The following CSGALNACT1 variants were observed in gnomAD, a reference collection of about 807,000 sequenced individuals.
The protein encoded by CSGALNACT1 is chondroitin sulfate N-acetylgalactosaminyltransferase 1, also known as beta4GalNAcT-1.
CSGALNACT1 carries 52 observed loss-of-function variants against 51.0 expected under a neutral mutation model. The ratio of observed to expected loss-of-function variants is 1.02; its 90% CI spans 0.82 to 1.29. The LOEUF is 1.29. CSGALNACT1 is among the 50% of genes most tolerant of loss of function. The pLI, the probability that CSGALNACT1 is intolerant of heterozygous loss-of-function variation, is 0.00. For synonymous variants in CSGALNACT1, 341 were observed against 254.4 expected (o/e 1.34, Z -3.24); for missense variants, 935 against 679.2 (o/e 1.38, Z -4.19).
At chr8:19,460,974 C>A (rs569031879) in intron 4 of CSGALNACT1, among the ~76,000 whole-genome samples, 44 of 152,242 alleles carry the variant, frequency 2.9e-4, no homozygotes, top group Non-Finnish European at 7.4e-5. Context: ...CACAGCCCCA[C>A]CTGAAAACCC....
rs2086328438 is a variant in CSGALNACT1 at position 19,545,803 on chromosome 8, C to CTATATATATTAATATATGTA, written c.-296-39693_-296-39674dup. Among the ~76,000 whole-genome samples, 4 of 147,338 alleles carry CTATATATATTAATATATGTA rather than the reference C, an allele frequency of 2.7e-5. No homozygotes were observed. In the South Asian group the frequency reaches 8.4e-4, roughly 31 times the overall value. ...ATTTGTAAACACACACATTATATAT[C>CTATATATATTAATATATGTA]TATATATATTAATATATGTATACAT... On this transcript the variant is annotated intron_variant, in intron 3 of 9. Coordinates refer to ENST00000454498, the Ensembl canonical transcript of CSGALNACT1.
intron 3 of CSGALNACT1, among the ~76,000 whole-genome samples, chr8:19,542,038 T>C (rs2085307900): frequency 6.6e-6 from 1 of 152,182 alleles, no homozygotes; most frequent in Non-Finnish European, 1.5e-5. Flanking sequence ...ATAGATCTTA[T>C]GATAAAAAAT....
Position 19,517,013 on chromosome 8 carries a change from A to G in CSGALNACT1, c.-296-10883T>C, listed in dbSNP as rs539743088. On this transcript the variant is annotated intron_variant, in intron 3 of 9. Coordinates refer to ENST00000454498, the Ensembl canonical transcript of CSGALNACT1. ...TGGAGAGGTGGTTGGTTTTTAGTTG[A>G]GATGCCTCAAACCTGATATGTGGGT... Among the ~76,000 whole-genome samples, 320 of 152,318 alleles carry G rather than the reference A, an allele frequency of 2.1e-3. 1 individual carries two copies. The highest frequency in any genetic ancestry group is 7.3e-3 in the African/African-American group (304 of 41,564).
At chr8:19,441,423 C>A (rs1428953877) in intron 5 of CSGALNACT1, among the ~76,000 whole-genome samples, 1 of 152,206 alleles carries the variant, frequency 6.6e-6, no homozygotes, top group Non-Finnish European at 1.5e-5. Context: ...AGCATATCTA[C>A]AACCATCTGA....
At chr8:19,527,159 A>G (rs1208551505) in intron 3 of CSGALNACT1, among the ~76,000 whole-genome samples, 1 of 152,212 alleles carries the variant, frequency 6.6e-6, no homozygotes, top group Non-Finnish European at 1.5e-5. Flanking sequence ...GGATAAATCA[A>G]TCAACTAACT....
chr8:19,731,138 T>G (rs59309315), intron 1 of CSGALNACT1, among the ~76,000 whole-genome samples: 2 of 151,984 alleles, frequency 1.3e-5, no homozygotes, highest in South Asian at 4.1e-4. Context: ...CCTGAGAAAC[T>G]TGTGACGCCA....
At chr8:19,432,168 C>T (rs1479609531) in intron 6 of CSGALNACT1, among the ~76,000 whole-genome samples, 1 of 152,124 alleles carries the variant, frequency 6.6e-6, no homozygotes, top group African/African-American at 2.4e-5. Context: ...GATGAAGTCT[C>T]TTTATTTGTT....
At chr8:19,637,275 G>A (rs2056198360) in intron 1 of CSGALNACT1, among the ~76,000 whole-genome samples, 2 of 152,090 alleles carry the variant, frequency 1.3e-5, no homozygotes, top group African/African-American at 4.8e-5. Flanking sequence ...TTTTCTAGTT[G>A]GTAGGGAATC....
chr8:19,517,022 A>G (rs1172416739), intron 3 of CSGALNACT1, among the ~76,000 whole-genome samples: 2 of 152,232 alleles, frequency 1.3e-5, no homozygotes, highest in Non-Finnish European at 2.9e-5. Flanking sequence ...GAGATGCCTC[A>G]AACCTGATAT....
chr8:19,550,230 C>T (rs1414815071), intron 3 of CSGALNACT1, among the ~76,000 whole-genome samples: 1 of 152,134 alleles, frequency 6.6e-6, no homozygotes, highest in Non-Finnish European at 1.5e-5. Flanking sequence ...AAGCAATTCT[C>T]CCACCTCAGC....
intron 4 of CSGALNACT1, among the ~76,000 whole-genome samples, chr8:19,464,285 C>T (rs780900975): frequency 1.7e-4 from 26 of 152,102 alleles, no homozygotes; most frequent in Non-Finnish European, 2.8e-4. Context: ...GGGGCCCAGT[C>T]GGTCCCACAC....
At chr8:19,509,829 C>T (rs1197201423) in intron 3 of CSGALNACT1, among the ~76,000 whole-genome samples, 1 of 151,992 alleles carries the variant, frequency 6.6e-6, no homozygotes, top group Non-Finnish European at 1.5e-5. Flanking sequence ...CGTGTAATTA[C>T]CAAGCACTAC....
chr8:19,713,888 A>C (rs981827901), intron 1 of CSGALNACT1, among the ~76,000 whole-genome samples: 2 of 152,256 alleles, frequency 1.3e-5, no homozygotes, highest in African/African-American at 2.4e-5. Flanking sequence ...GACTGGAAGA[A>C]AGAGAGAAGC....
At chr8:19,543,422 G>A (rs1448619784) in intron 3 of CSGALNACT1, among the ~76,000 whole-genome samples, 1 of 152,220 alleles carries the variant, frequency 6.6e-6, no homozygotes, top group Non-Finnish European at 1.5e-5. Flanking sequence ...ATACGTATGT[G>A]AAGAGTTCTC....
chr8:19,493,478 A>C (rs896345716), intron 4 of CSGALNACT1, among the ~76,000 whole-genome samples: 10 of 151,698 alleles, frequency 6.6e-5, no homozygotes, highest in Non-Finnish European at 1.2e-4. Flanking sequence ...ATTCACAGTC[A>C]CTCCCCATCT....
chr8:19,731,677 AC>A (rs967490736), intron 1 of CSGALNACT1, among the ~76,000 whole-genome samples: 13 of 152,174 alleles, frequency 8.5e-5, no homozygotes, highest in African/African-American at 3.1e-4. Context: ...TGGTTGCACA[AC>A]CACTTGAAGG....
chr8:19,547,914 G>T (rs974703805), intron 3 of CSGALNACT1, among the ~76,000 whole-genome samples: 3 of 152,150 alleles, frequency 2.0e-5, no homozygotes, highest in African/African-American at 7.2e-5. Context: ...TGTTGCCAGG[G>T]GGTTGGTAGT....
At chr8:19,481,267 C>CTTAT (rs1165484640) in intron 4 of CSGALNACT1, among the ~76,000 whole-genome samples, 4 of 152,090 alleles carry the variant, frequency 2.6e-5, no homozygotes, top group Non-Finnish European at 1.5e-5. Context: ...GGTGTCTGTC[C>CTTAT]TTATAGTCTG....
chr8:19,536,078 T>C (rs1279256569), intron 3 of CSGALNACT1, among the ~76,000 whole-genome samples: 2 of 152,072 alleles, frequency 1.3e-5, no homozygotes, highest in African/African-American at 4.8e-5. Context: ...TGCCAAGTAA[T>C]CTACAAAAAA....
Sources: gnomAD v4.1 joint callset for allele counts (sites outside exome capture counted in the v4.1 genomes callset) on GRCh38, gnomAD v4.1.1 for gene constraint, MANE v1.5 for transcripts, NCBI Gene and HGNC (gene_info 2026-07-23, HGNC 2026-07-21) for gene names.